The following GUCY1A1 variants were observed in gnomAD, a reference collection of about 807,000 sequenced individuals.
The protein encoded by GUCY1A1 is guanylate cyclase soluble subunit alpha-1.
GUCY1A1 carries 48 observed loss-of-function variants against 64.5 expected under a neutral mutation model. The ratio of observed to expected loss-of-function variants is 0.74; its 90% CI spans 0.59 to 0.95. GUCY1A1 has a LOEUF of 0.95. GUCY1A1 is among the 40% of genes least tolerant of loss of function. The probability of loss-of-function intolerance (pLI) is 0.00; values close to 1 mark genes in which losing one functional copy is unlikely to be tolerated. For synonymous variants in GUCY1A1, 308 were observed against 303.4 expected (o/e 1.02, Z -0.16); for missense variants, 804 against 825.3 (o/e 0.97, Z 0.32).
At chr4:155,680,045 A>G (rs898027725) in intron 2 of GUCY1A1, among the ~76,000 whole-genome samples, 1 of 152,194 alleles carries the variant, frequency 6.6e-6, no homozygotes, top group African/African-American at 2.4e-5. Flanking sequence ...ATCCTATGTC[A>G]TCAATGAAAT....
In GUCY1A1 at chr4:155,717,021, G is replaced by A. The variant is rs911932299; in HGVS notation, c.1573-138G>A. ...TCCTGAAAAAGAAAGCCATTTCTGG[G>A]CGTATCTGATTAACCCTGATCCTCC... On this transcript the variant is annotated intron_variant, in intron 7 of 9. Transcript: ENST00000506455. 4.4e-5 allele frequency: 24 copies of A among 548,336 alleles called. No individual in the cohort carries two copies. In the South Asian group the frequency reaches 4.9e-4, roughly 11 times the overall value. The allele number at this position is 548,336 out of a possible 1,614,324, so 34.0% of individuals were successfully genotyped here. A position where few individuals can be genotyped will look rare whatever the true frequency, so the allele number is the denominator to read the frequency against.
intron 8 of GUCY1A1, among the ~76,000 whole-genome samples, chr4:155,718,986 T>C (rs1381235294): frequency 1.3e-5 from 2 of 152,188 alleles, no homozygotes; most frequent in African/African-American, 4.8e-5. Context: ...TTCTAATTTG[T>C]TTGAGGGGGC....
chr4:155,687,213 T>C (rs79715470), intron 2 of GUCY1A1, among the ~76,000 whole-genome samples: 3,361 of 152,248 alleles, frequency 0.022, 109 homozygotes, highest in African/African-American at 0.074. Context: ...TTTGGTTGTA[T>C]GTACCAAAAA....
In GUCY1A1 at chr4:155,730,806, A is replaced by T. The variant is rs2110793837; in HGVS notation, c.*575A>T. On this transcript the variant is annotated 3_prime_UTR_variant, in exon 10 of 10. Coordinates refer to ENST00000506455, the MANE Select transcript of GUCY1A1 (RefSeq NM_001130682.3). ...TTTAGAAAATAAGCAATTAGGGGTT[A>T]GATGCAATATGAATATAAAATAGTT... is the stretch of plus-strand genomic sequence containing the variant. 2 of 153,446 alleles carry T rather than the reference A, an allele frequency of 1.3e-5. No homozygotes were observed. Among genetic ancestry groups the T allele is most frequent in the East Asian group, 1.9e-4 (1 of 5,152 alleles). 9.5% of individuals were successfully genotyped at this position (153,446 alleles called of 1,614,324 possible).
At chr4:155,720,088 C>T (rs985617850) in intron 8 of GUCY1A1, among the ~76,000 whole-genome samples, 4 of 152,054 alleles carry the variant, frequency 2.6e-5, no homozygotes, top group African/African-American at 4.8e-5. Context: ...GAAGGCAGCA[C>T]GGCATGGAAG....
At chr4:155,710,438 G>A (rs1732409126) in intron 5 of GUCY1A1, 104 bp from the exon 6 acceptor site, 2 of 700,266 alleles carry the variant, frequency 2.9e-6, no homozygotes, top group Admixed American at 2.6e-5. Context: ...CAGATATAAA[G>A]GGAGCTAAAT....
intron 9 of GUCY1A1, among the ~76,000 whole-genome samples, chr4:155,726,348 TTAAAA>T (rs1450193304): frequency 1.3e-5 from 2 of 151,972 alleles, no homozygotes; most frequent in Non-Finnish European, 2.9e-5. Flanking sequence ...CTGGGAAAAC[TTAAAA>T]TAATATAAAT....
intron 2 of GUCY1A1, among the ~76,000 whole-genome samples, chr4:155,682,504 T>C (rs1735925476): frequency 6.6e-6 from 1 of 152,102 alleles, no homozygotes; most frequent in African/African-American, 2.4e-5. Flanking sequence ...ACCCTGTCTC[T>C]ACTAAAAATA....
chr4:155,718,521 C>T lies in GUCY1A1; in HGVS notation c.1716+1219C>T, dbSNP rs961732464. ...GTCTGTGCTCTACAATCTATGGGAC[C>T]TCAGCTGGGAATACCGAAATGGGTG... On this transcript the variant is annotated intron_variant, in intron 8 of 9. Coordinates refer to ENST00000506455, the MANE Select transcript of GUCY1A1 (RefSeq NM_001130682.3). Among the ~76,000 whole-genome samples the T allele has an allele frequency of 6.6e-5, 10 of 152,188 alleles. No individual in the cohort carries two copies. In the East Asian group the frequency reaches 1.9e-3, roughly 29 times the overall value.
intron 8 of GUCY1A1, among the ~76,000 whole-genome samples, chr4:155,717,950 C>T (rs1348648310): frequency 6.6e-6 from 1 of 152,156 alleles, no homozygotes; most frequent in Non-Finnish European, 1.5e-5. Context: ...TTTAGTTTTC[C>T]AGCCCCTGGA....
In GUCY1A1 at chr4:155,731,609, G is replaced by A. The variant is rs753428005; in HGVS notation, c.*1378G>A. 3 of 151,764 alleles carry A rather than the reference G, an allele frequency of 2.0e-5. No individual in the cohort carries two copies. The highest frequency in any genetic ancestry group is 6.6e-5 in the Admixed American group (1 of 15,190). 9.4% of individuals were successfully genotyped at this position (151,764 alleles called of 1,614,324 possible). ...GGTGAACTAAAAAATCTACATTTTG[G>A]TTGGGGATAAAGATTTGATTTTAAA... On this transcript the variant is annotated 3_prime_UTR_variant, in exon 10 of 10. Coordinates refer to ENST00000506455, the MANE Select transcript of GUCY1A1 (RefSeq NM_001130682.3).
At chr4:155,686,712 G>A (rs928980643) in intron 2 of GUCY1A1, among the ~76,000 whole-genome samples, 2 of 152,194 alleles carry the variant, frequency 1.3e-5, no homozygotes, top group East Asian at 3.9e-4. Context: ...AAAATAGTGA[G>A]TAGTGCAATG....
chr4:155,718,682 A>C (rs2126918235), intron 8 of GUCY1A1, among the ~76,000 whole-genome samples: 1 of 152,252 alleles, frequency 6.6e-6, no homozygotes, highest in South Asian at 2.1e-4. Flanking sequence ...TTAGCGTTAC[A>C]TGTGATGCCC....
At chr4:155,668,493 C>G (rs959370004) in intron 2 of GUCY1A1, among the ~76,000 whole-genome samples, 2 of 152,158 alleles carry the variant, frequency 1.3e-5, no homozygotes, top group Non-Finnish European at 2.9e-5. Flanking sequence ...GGTAATTTCA[C>G]TAAATGCCTA....
At position 155,734,549 on chromosome 4, in the gene GUCY1A1, T is replaced by C. The variant is rs1052066065; in HGVS notation, c.*4318T>C. 2 of 151,928 alleles carry C rather than the reference T, an allele frequency of 1.3e-5. No homozygotes were observed. Among genetic ancestry groups the C allele is most frequent in the African/African-American group, 4.8e-5 (2 of 41,398 alleles). The allele number at this position is 151,928 out of a possible 1,614,324, so 9.4% of individuals were successfully genotyped here. A position where few individuals can be genotyped will look rare whatever the true frequency, so the allele number is the denominator to read the frequency against. On this transcript the variant is annotated 3_prime_UTR_variant, in exon 10 of 10. Coordinates refer to ENST00000506455, the MANE Select transcript of GUCY1A1 (RefSeq NM_001130682.3). The stretch of plus-strand genomic sequence containing the variant: ...TATTTCACCTCATTTTGCACTTCAA[T>C]GCAATTTCACTCTTTAGGTGGTTGT...
chr4:155,726,096 T>C (rs1042787086), intron 9 of GUCY1A1, among the ~76,000 whole-genome samples: 2 of 152,048 alleles, frequency 1.3e-5, no homozygotes, highest in Non-Finnish European at 2.9e-5. Context: ...CTTCAGCTCA[T>C]TTGCTGAAGT....
intron 3 of GUCY1A1, among the ~76,000 whole-genome samples, chr4:155,700,509 T>G (rs1730943662): frequency 6.6e-6 from 1 of 152,212 alleles, no homozygotes; most frequent in Non-Finnish European, 1.5e-5. Flanking sequence ...ACAGCAATGT[T>G]GCATCAAATA....
chr4:155,719,871 T>G (rs943263832), intron 8 of GUCY1A1, among the ~76,000 whole-genome samples: 1 of 152,168 alleles, frequency 6.6e-6, no homozygotes, highest in Non-Finnish European at 1.5e-5. Context: ...ATGCCCTTAG[T>G]AGGTTCCCAT....
intron 6 of GUCY1A1, 54 bp from the exon 7 acceptor site, chr4:155,713,044 A>G (rs1359140934): frequency 1.3e-6 from 2 of 1,495,978 alleles, no homozygotes; most frequent in East Asian, 4.5e-5. Context: ...CTTTTGTCTC[A>G]GAAAGATGTG....
Sources: allele counts gnomAD v4.1 joint callset (sites outside exome capture counted in the v4.1 genomes callset), GRCh38; gene constraint gnomAD v4.1.1; transcripts MANE v1.5; gene names NCBI Gene and HGNC (gene_info 2026-07-23, HGNC 2026-07-21).